Variants in CPO observed in about 807,000 individuals in gnomAD.
CPO encodes metallocarboxypeptidase C.
In CPO, 43 loss-of-function variants were observed where a neutral mutation model predicts 41.2. The observed-to-expected ratio is 1.04, with a 90% CI of 0.82 to 1.35. The LOEUF (loss-of-function observed/expected upper bound fraction) is 1.35, where lower values mean the gene tolerates loss of function less well. CPO is among the 40% of genes most tolerant of loss of function. CPO has a pLI of 0.00. For missense variants in CPO, 408 were observed against 451.7 expected (o/e 0.90, Z 0.88); for synonymous variants, 178 against 162.7 (o/e 1.09, Z -0.72).
intron 6 of CPO, among the ~76,000 whole-genome samples, chr2:206,961,184 TG>T (rs1324964288): frequency 1.3e-5 from 2 of 152,086 alleles, no homozygotes; most frequent in Non-Finnish European, 2.9e-5. Context: ...CCTAGACCAG[TG>T]TGAATATATT....
At chr2:206,957,751 G>A (rs887140302) in intron 3 of CPO, among the ~76,000 whole-genome samples, 1 of 152,182 alleles carries the variant, frequency 6.6e-6, no homozygotes, top group Non-Finnish European at 1.5e-5. Flanking sequence ...TACAAGAATA[G>A]CAAATGGGGA....
chr2:206,958,431 T>C (rs981025899), intron 4 of CPO, 26 bp downstream of exon 4: 9 of 1,248,778 alleles, frequency 7.2e-6, no homozygotes, highest in Non-Finnish European at 1.0e-5. Flanking sequence ...TTTCTCATAC[T>C]GGTAAATCAC....
rs190753194 is a variant in CPO at position 206,961,969 on chromosome 2, G to A, written c.575-443G>A. On this transcript the variant is annotated intron_variant, in intron 6 of 8. Transcript: ENST00000272852. ...AAAAAAATTAGCCTCGCGTGGTGGCGGGTGCCTGTAGTCCCAGCTACTGGG... is the reference window on the plus strand; with the variant it reads ...AAAAAAATTAGCCTCGCGTGGTGGCAGGTGCCTGTAGTCCCAGCTACTGGG... Among the ~76,000 whole-genome samples, 70 of 151,612 alleles carry A rather than the reference G, an allele frequency of 4.6e-4. No homozygotes were observed. The East Asian group carries it at 0.011, about 24-fold the overall frequency.
intron 5 of CPO, 48 bp downstream of exon 5, chr2:206,959,789 C>T: frequency 1.2e-6 from 1 of 825,528 alleles, no homozygotes; most frequent in Non-Finnish European, 2.1e-6. Flanking sequence ...AACTAAAGCT[C>T]AATTCAGGTT....
At chr2:206,955,323 G>A in intron 2 of CPO, 140 bp from the exon 3 acceptor site, 1 of 654,174 alleles carries the variant, frequency 1.5e-6, no homozygotes. Context: ...GTTGTTTTCT[G>A]TTTCTTTTAC....
At chr2:206,959,946 T>G (rs1034867544) in intron 5 of CPO, among the ~76,000 whole-genome samples, 1 of 152,234 alleles carries the variant, frequency 6.6e-6, no homozygotes, top group Non-Finnish European at 1.5e-5. Context: ...AAGGCCTTTT[T>G]AGAGTTGAAG....
rs1693515333 is a variant in CPO, at chr2:206,963,349, A to C, written c.777+735A>C. Among the ~76,000 whole-genome samples, 3 of 152,282 alleles carry C rather than the reference A, an allele frequency of 2.0e-5. No individual in the cohort carries two copies. The South Asian group carries it at 6.2e-4, about 32-fold the overall frequency. On this transcript the variant is annotated intron_variant, in intron 7 of 8. Coordinates refer to ENST00000272852, the MANE Select transcript of CPO (RefSeq NM_173077.3). ...TTATTTTTATTTTTTTTCCGTTTTAATTGTGGTAAAATAAACATAAAATTT... is the reference window on the plus strand; with the variant it reads ...TTATTTTTATTTTTTTTCCGTTTTACTTGTGGTAAAATAAACATAAAATTT...
intron 1 of CPO, among the ~76,000 whole-genome samples, chr2:206,941,511 T>G (rs1037865223): frequency 6.6e-6 from 1 of 152,076 alleles, no homozygotes; most frequent in African/African-American, 2.4e-5. Context: ...ACATAAAACT[T>G]TAATTTAAAA....
At chr2:206,964,326 C>T (rs1045099319) in intron 7 of CPO, among the ~76,000 whole-genome samples, 1 of 152,164 alleles carries the variant, frequency 6.6e-6, no homozygotes, top group Non-Finnish European at 1.5e-5. Context: ...CATTTTGTAA[C>T]ATGTGGAAAT....
intron 2 of CPO, among the ~76,000 whole-genome samples, chr2:206,949,949 C>A (rs1029621699): frequency 6.6e-6 from 1 of 152,052 alleles, no homozygotes; most frequent in Non-Finnish European, 1.5e-5. Flanking sequence ...AGAAAATGAA[C>A]AAGAACATCC....
At chr2:206,946,015 C>CA (rs1693138608) in intron 1 of CPO, among the ~76,000 whole-genome samples, 1 of 151,328 alleles carries the variant, frequency 6.6e-6, no homozygotes, top group African/African-American at 2.4e-5. Context: ...AAACAGAAAG[C>CA]ACCAGGCCAA....
At chr2:206,964,362 A>C (rs1317135171) in intron 7 of CPO, among the ~76,000 whole-genome samples, 1 of 152,236 alleles carries the variant, frequency 6.6e-6, no homozygotes, top group Non-Finnish European at 1.5e-5. Flanking sequence ...AGATCTTTAC[A>C]ATTTACAGAG....
intron 1 of CPO, among the ~76,000 whole-genome samples, chr2:206,943,545 C>G (rs1693067223): frequency 6.6e-6 from 1 of 151,370 alleles, no homozygotes; most frequent in Non-Finnish European, 1.5e-5. Flanking sequence ...ATTAATACTT[C>G]GTCCTTATTT....
intron 3 of CPO, among the ~76,000 whole-genome samples, chr2:206,956,443 C>G (rs1693360397): frequency 6.6e-6 from 1 of 152,162 alleles, no homozygotes; most frequent in Non-Finnish European, 1.5e-5. Context: ...GCATCACCAC[C>G]TGAGGGCTTG....
At chr2:206,964,039 T>C (rs1468818792) in intron 7 of CPO, among the ~76,000 whole-genome samples, 3 of 152,234 alleles carry the variant, frequency 2.0e-5, no homozygotes, top group Non-Finnish European at 4.4e-5. Flanking sequence ...CATGCTCCTC[T>C]TTCTATGCAA....
rs78274569 is a variant in CPO, at chr2:206,960,982, G to C, written c.574+40G>C. The C allele has an allele frequency of 1.5e-4, 196 of 1,329,642 alleles. 1 individual carries two copies. In the East Asian group the frequency reaches 4.5e-3, roughly 31 times the overall value. 82.4% of individuals were successfully genotyped at this position (1,329,642 alleles called of 1,614,324 possible). A position where few individuals can be genotyped will look rare whatever the true frequency, so the allele number is the denominator to read the frequency against. On this transcript the variant is annotated intron_variant, in intron 6 of 8. Coordinates refer to ENST00000272852, the MANE Select transcript of CPO (RefSeq NM_173077.3). The stretch of plus-strand genomic sequence containing the variant: ...AGTAGATGAATTATGAACAAATAAA[G>C]CTGAGAAGTAAGAAAAGAGGTGAAT...
intron 1 of CPO, among the ~76,000 whole-genome samples, chr2:206,944,948 T>C (rs781464244): frequency 1.3e-5 from 2 of 152,128 alleles, no homozygotes; most frequent in Non-Finnish European, 2.9e-5. Context: ...ACTAGTTGGA[T>C]GGCTAAATTA....
intron 3 of CPO, 84 bp from the exon 4 acceptor site, chr2:206,958,217 G>A (rs1391793379): frequency 1.4e-6 from 1 of 703,258 alleles, no homozygotes; most frequent in Non-Finnish European, 2.3e-6. Context: ...GAACCTCTAG[G>A]GGAATTAAAA....
rs1251444183 is a variant in CPO, at chr2:206,969,294, C to T, written c.983C>T (p.Pro328Leu). The change falls in exon 9 of 9, where the codon CCC (proline) becomes CTC (leucine). Residue 328 changes from proline (P) to leucine (L), a missense_variant. Transcript: ENST00000272852. ...GTTCTGCCAGAAGCTCAGATCCAGC[C>T]CACCTGTGAGGAGACCATGGAGGCT... ...GFVLPEAQIQ[P>L]TCEETMEAVL... 6.2e-7 allele frequency: 1 copy of T among 1,614,072 alleles called. No homozygotes were observed. Among genetic ancestry groups the T allele is most frequent in the Non-Finnish European group, 8.5e-7 (1 of 1,180,008 alleles).
Sources: allele counts gnomAD v4.1 joint callset (sites outside exome capture counted in the v4.1 genomes callset), GRCh38; gene constraint gnomAD v4.1.1; transcripts MANE v1.5; gene names NCBI Gene and HGNC (gene_info 2026-07-23, HGNC 2026-07-21).